Variants in TMPRSS15 observed in about 807,000 individuals in gnomAD.
TMPRSS15 encodes enteropeptidase.
In TMPRSS15, 128 loss-of-function variants were observed where a neutral mutation model predicts 125.3. That is an observed-to-expected ratio of 1.02 (90% confidence interval 0.89 to 1.18). The LOEUF is 1.18. Ranked by LOEUF, TMPRSS15 falls within the 50% of genes most tolerant of loss-of-function variation. The pLI, the probability that TMPRSS15 is intolerant of heterozygous loss-of-function variation, is 0.00. For missense variants in TMPRSS15, 1,283 were observed against 1,212.7 expected (o/e 1.06, Z -0.86); for synonymous variants, 446 against 423.2 (o/e 1.05, Z -0.66).
intron 2 of TMPRSS15, 35 bp downstream of exon 2, chr21:18,398,164 G>T (rs548738344): frequency 6.2e-7 from 1 of 1,612,028 alleles, no homozygotes; most frequent in Non-Finnish European, 8.5e-7. Context: ...GTTAAACTGT[G>T]TTATAAAATT....
intron 21 of TMPRSS15, among the ~76,000 whole-genome samples, chr21:18,288,791 C>T (rs1427372430): frequency 6.6e-6 from 1 of 151,582 alleles, no homozygotes; most frequent in East Asian, 1.9e-4. Flanking sequence ...CCGCCTCGGC[C>T]TCCCAAAGTG....
At chr21:18,335,031 G>T (rs557882776) in intron 13 of TMPRSS15, among the ~76,000 whole-genome samples, 1 of 152,170 alleles carries the variant, frequency 6.6e-6, no homozygotes, top group African/African-American at 2.4e-5. Context: ...TTCTCAACAG[G>T]AAATCATGAC....
chr21:18,307,806 C>T (rs1048098754), intron 18 of TMPRSS15, among the ~76,000 whole-genome samples: 11 of 152,116 alleles, frequency 7.2e-5, no homozygotes, highest in Admixed American at 7.2e-4. Flanking sequence ...TTGAAAAAAA[C>T]TTCTGTCAAA....
intron 1 of TMPRSS15, among the ~76,000 whole-genome samples, chr21:18,400,687 A>C (rs762574528): frequency 1.3e-5 from 2 of 152,188 alleles, no homozygotes; most frequent in Non-Finnish European, 2.9e-5. Context: ...TTTAGGACTA[A>C]ATCCTCAAAA....
At chr21:18,287,877 C>A (rs1808441977) in intron 21 of TMPRSS15, among the ~76,000 whole-genome samples, 1 of 152,032 alleles carries the variant, frequency 6.6e-6, no homozygotes, top group South Asian at 2.1e-4. Flanking sequence ...TAAGCTCTAA[C>A]CAAAGTCAAT....
chr21:18,335,099 C>T (rs1476801577), intron 13 of TMPRSS15, among the ~76,000 whole-genome samples: 2 of 152,186 alleles, frequency 1.3e-5, no homozygotes, highest in African/African-American at 4.8e-5. Context: ...TCTACATACA[C>T]ATGGCACATT....
In TMPRSS15 at chr21:18,303,720, A is replaced by G. The variant is rs550529961; in HGVS notation, c.2166-5891T>C. Among the ~76,000 whole-genome samples the G allele has an allele frequency of 3.3e-5, 5 of 152,324 alleles. No homozygotes were observed. The South Asian group carries it at 1.0e-3, about 32-fold the overall frequency. ...CAAAATAAATACCTATACATTACAG[A>G]TAATTTTTGGCAGATGATTTGTAAT... On this transcript the variant is annotated intron_variant, in intron 18 of 24. Transcript: ENST00000284885.
At chr21:18,345,740 C>CAAAAAAAAAAAA (rs1235619873) in intron 10 of TMPRSS15, among the ~76,000 whole-genome samples, 2,125 of 15,546 alleles carry the variant, frequency 0.14, 816 homozygotes, top group Middle Eastern at 0.25. Flanking sequence ...GACTCCGTCT[C>CAAAAAAAAAAAA]AAAAAAAAAA....
intron 8 of TMPRSS15, among the ~76,000 whole-genome samples, chr21:18,356,860 T>C (rs1292752408): frequency 6.6e-6 from 1 of 151,912 alleles, no homozygotes; most frequent in Non-Finnish European, 1.5e-5. Context: ...TGCATAGCTT[T>C]GGCTATAGCT....
chr21:18,296,295 T>G (rs1294747075), intron 19 of TMPRSS15, among the ~76,000 whole-genome samples: 4 of 152,206 alleles, frequency 2.6e-5, no homozygotes, highest in African/African-American at 9.6e-5. Flanking sequence ...ACACCAGTTT[T>G]CATAGGGATA....
chr21:18,391,042 C>G (rs1382629005), intron 3 of TMPRSS15, among the ~76,000 whole-genome samples: 1 of 152,124 alleles, frequency 6.6e-6, no homozygotes, highest in Non-Finnish European at 1.5e-5. Context: ...ATGTGGGAAA[C>G]TGCCTTCATG....
chr21:18,302,604 C>T (rs1206261418), intron 18 of TMPRSS15, among the ~76,000 whole-genome samples: 1 of 152,122 alleles, frequency 6.6e-6, no homozygotes, highest in Non-Finnish European at 1.5e-5. Flanking sequence ...AAAGAAATGT[C>T]AATAAAAACA....
At chr21:18,411,801 T>C (rs749048919) in intron 1 of TMPRSS15, among the ~76,000 whole-genome samples, 1 of 152,226 alleles carries the variant, frequency 6.6e-6, no homozygotes, top group Non-Finnish European at 1.5e-5. Context: ...GTAAAGTGGA[T>C]TATGAAACTT....
intron 13 of TMPRSS15, among the ~76,000 whole-genome samples, chr21:18,335,616 A>T (rs2075384233): frequency 6.6e-6 from 1 of 152,222 alleles, no homozygotes; most frequent in African/African-American, 2.4e-5. Flanking sequence ...TTTAAATCAT[A>T]ATTATCAAAT....
At chr21:18,302,506 G>A (rs1295714493) in intron 18 of TMPRSS15, among the ~76,000 whole-genome samples, 1 of 152,180 alleles carries the variant, frequency 6.6e-6, no homozygotes, top group Non-Finnish European at 1.5e-5. Flanking sequence ...ACCTAGCCCA[G>A]TGATAGCTCT....
chr21:18,365,273 T>C, intron 6 of TMPRSS15, 25 bp from the exon 7 acceptor site: 1 of 1,573,294 alleles, frequency 6.4e-7, no homozygotes, highest in South Asian at 1.1e-5. Context: ...CAATTAATGT[T>C]AGACAAAAAC....
intron 1 of TMPRSS15, among the ~76,000 whole-genome samples, chr21:18,463,338 G>T (rs2122911057): frequency 0.47 from 67,087 of 142,218 alleles, 16,143 homozygotes; most frequent in East Asian, 0.92. Context: ...AACTAACAAA[G>T]ATCAAAAAAG....
intron 8 of TMPRSS15, 137 bp downstream of exon 8, chr21:18,359,620 G>T: frequency 1.9e-6 from 1 of 516,984 alleles, no homozygotes; most frequent in African/African-American, 1.9e-5. Context: ...TTTATAATGA[G>T]AAGCAATTGT....
At chr21:18,347,868 C>T (rs1178793069) in intron 10 of TMPRSS15, among the ~76,000 whole-genome samples, 1 of 152,100 alleles carries the variant, frequency 6.6e-6, no homozygotes, top group Admixed American at 6.5e-5. Flanking sequence ...TAGTGGCTCC[C>T]ATCTGTAATC....
Sources: gnomAD v4.1 joint callset for allele counts (sites outside exome capture counted in the v4.1 genomes callset) on GRCh38, gnomAD v4.1.1 for gene constraint, MANE v1.5 for transcripts, NCBI Gene and HGNC (gene_info 2026-07-23, HGNC 2026-07-21) for gene names.